EIF3C: variants seen among roughly 807,000 people sequenced by gnomAD.
EIF3C encodes cell migration-inducing protein 17.
EIF3C carries 2 observed loss-of-function variants against 11.1 expected under a neutral mutation model. The ratio of observed to expected loss-of-function variants is 0.18; its 90% CI spans 0.07 to 0.57. The LOEUF is 0.57. EIF3C is among the 20% of genes least tolerant of loss of function. EIF3C has a pLI of 0.92. For synonymous variants in EIF3C, 2 were observed against 41.5 expected, an observed-to-expected ratio of 0.05 and a Z score of 3.66; for missense variants, 16 against 114.6, an observed-to-expected ratio of 0.14 and a Z score of 3.93.
At position 28,700,884 on chromosome 16, in the gene EIF3C, G is replaced by C. The variant is rs1228120133; in HGVS notation, c.-30-10773G>C. On this transcript the variant is annotated intron_variant, in intron 1 of 20. Coordinates refer to the EIF3C transcript ENST00000566501. The stretch of plus-strand genomic sequence containing the variant: ...TCTCATCAGGCTTGGTGTTCACCAT[G>C]CTCCTGCTAAAGCCGTCTTTTCTTT... The C allele has an allele frequency of 3.6e-5, 8 of 219,918 alleles. 2 individuals carry two copies. The highest frequency in any genetic ancestry group is 6.2e-5 in the Non-Finnish European group (8 of 128,078). 13.6% of individuals were successfully genotyped at this position (219,918 alleles called of 1,614,324 possible).
rs555744746 is a variant in EIF3C at position 28,733,881 on chromosome 16, G to GGTTTT, written c.2183-618_2183-614dup. On this transcript the variant is annotated intron_variant, in intron 16 of 20. Transcript: ENST00000331666. ...CCATTCCAGTTGAGCTGGAAGAGGTGGTTTTGTTTTGTTTTGTTTTGTTTT... is the reference window on the plus strand; with the variant it reads ...CCATTCCAGTTGAGCTGGAAGAGGTGGTTTTGTTTTGTTTTGTTTTGTTTTGTTTT... Among the ~76,000 whole-genome samples the GGTTTT allele has an allele frequency of 8.8e-3, 1,032 of 116,914 alleles. 246 individuals carry two copies. Among genetic ancestry groups the GGTTTT allele is most frequent in the Non-Finnish European group, 0.013 (619 of 47,834 alleles). The allele number at this position is 116,914 out of a possible 152,430, so 76.7% of individuals were successfully genotyped here. A position where few individuals can be genotyped will look rare whatever the true frequency, so the allele number is the denominator to read the frequency against.
chr16:28,698,682 A>G (rs76518997), intron 1 of EIF3C, among the ~76,000 whole-genome samples: 6 of 46,392 alleles, frequency 1.3e-4, no homozygotes, highest in East Asian at 8.5e-4. Flanking sequence ...CAGACGGGGC[A>G]GCTGCCGGGC....
intron 2 of EIF3C, among the ~76,000 whole-genome samples, chr16:28,713,013 A>G (rs2048317409): frequency 6.8e-6 from 1 of 146,924 alleles, no homozygotes; most frequent in Non-Finnish European, 1.5e-5. Flanking sequence ...AACACCGCTA[A>G]AATAATCCAA....
At chr16:28,730,234 T>G in intron 15 of EIF3C, among the ~76,000 whole-genome samples, 1 of 135,260 alleles carries the variant, frequency 7.4e-6, no homozygotes, top group Non-Finnish European at 1.6e-5. Context: ...TTCACCATAT[T>G]GGGCAGGCTG....
intron 16 of EIF3C, among the ~76,000 whole-genome samples, chr16:28,733,082 TCTTTC>T (rs1356176352): frequency 2.0e-5 from 1 of 49,778 alleles, no homozygotes; most frequent in Non-Finnish European, 3.8e-5. Flanking sequence ...TTTCTTTCTT[TCTTTC>T]TTTTTTTTTT....
At position 28,698,576 on chromosome 16, in the gene EIF3C, G is replaced by C. The variant is rs2048260097; in HGVS notation, c.-31+9748G>C. 2.1e-5 allele frequency among the ~76,000 whole-genome samples: 2 copies of C among 96,602 alleles called. 1 individual carries two copies. Among genetic ancestry groups the C allele is most frequent in the African/African-American group, 1.7e-4 (2 of 12,114 alleles). The allele number at this position is 96,602 out of a possible 152,430, so 63.4% of individuals were successfully genotyped here. On this transcript the variant is annotated intron_variant, in intron 1 of 20. Transcript: ENST00000566501. ...CCGGACGGGGTGGCTGCCGGGCGGA[G>C]ACGCTCCTCACTTCCCAGATGGGGT...
chr16:28,689,287 C>G lies in EIF3C; in HGVS notation c.-31+459C>G, dbSNP rs2048210783. ...TAAATAGTTCATTTTTCTGTTAAAA[C>G]TTCCCTGTTTAAATGACTCTGTGGT... On this transcript the variant is annotated intron_variant, in intron 1 of 20. Coordinates refer to the EIF3C transcript ENST00000566501. 4.0e-5 allele frequency among the ~76,000 whole-genome samples: 2 copies of G among 49,918 alleles called. 1 individual carries two copies. Among genetic ancestry groups the G allele is most frequent in the African/African-American group, 3.4e-4 (2 of 5,966 alleles). 32.7% of individuals were successfully genotyped at this position (49,918 alleles called of 152,430 possible).
At chr16:28,698,609 G>A (rs577527647) in intron 1 of EIF3C, among the ~76,000 whole-genome samples, 7 of 93,714 alleles carry the variant, frequency 7.5e-5, no homozygotes, top group South Asian at 6.1e-4. Flanking sequence ...GGTGGCTGCC[G>A]GGCGGAGACA....
intron 1 of EIF3C, among the ~76,000 whole-genome samples, chr16:28,697,860 G>A (rs1420734174): frequency 5.5e-5 from 5 of 90,854 alleles, no homozygotes; most frequent in African/African-American, 2.4e-4. Flanking sequence ...GCGGCTGGCC[G>A]GGCGGGGGGC....
upstream of EIF3C, among the ~76,000 whole-genome samples, chr16:28,707,078 CTT>C (rs1165801182): frequency 0.39 from 8,289 of 21,196 alleles, 1,979 homozygotes; most frequent in Admixed American, 0.46. Flanking sequence ...TTTTCTTTCC[CTT>C]TTTTTTTTTT....
chr16:28,697,948 GC>G (rs1176197409), intron 1 of EIF3C, among the ~76,000 whole-genome samples: 3 of 97,048 alleles, frequency 3.1e-5, no homozygotes, highest in Admixed American at 2.7e-4. Context: ...GGGCGGCCGG[GC>G]AGAGGCGCCC....
chr16:28,696,808 T>C (rs2048240885), intron 1 of EIF3C, among the ~76,000 whole-genome samples: 1 of 71,482 alleles, frequency 1.4e-5, no homozygotes, highest in Non-Finnish European at 2.5e-5. Flanking sequence ...ATCATGCCAC[T>C]GCCCTCCAGC....
rs2048267687 is a variant in EIF3C at position 28,699,453 on chromosome 16, G to A, written c.-31+10625G>A. Among the ~76,000 whole-genome samples, 2 of 97,724 alleles carry A rather than the reference G, an allele frequency of 2.0e-5. 1 individual carries two copies. Among genetic ancestry groups the A allele is most frequent in the Non-Finnish European group, 4.0e-5 (2 of 50,190 alleles). 64.1% of individuals were successfully genotyped at this position (97,724 alleles called of 152,430 possible). On this transcript the variant is annotated intron_variant, in intron 1 of 20. Coordinates refer to the EIF3C transcript ENST00000566501. ...GCTCCGCATGAGAGGGAGACCGTGG[G>A]GAGAGGGAGACGGAGACGGAGACGG...
intron 1 of EIF3C, chr16:28,700,408 G>T: frequency 2.6e-6 from 1 of 385,996 alleles, no homozygotes; most frequent in Non-Finnish European, 4.8e-6. Flanking sequence ...CCGGAGGCCG[G>T]CGTCGATACA....
chr16:28,732,789 TG>T (rs2048458064), intron 16 of EIF3C, among the ~76,000 whole-genome samples: 1 of 145,880 alleles, frequency 6.9e-6, no homozygotes, highest in African/African-American at 2.6e-5. Flanking sequence ...AGGCACATTT[TG>T]TTTGGCTTAT....
At chr16:28,699,967 C>A (rs1221180568) in intron 1 of EIF3C, among the ~76,000 whole-genome samples, 1 of 48,652 alleles carries the variant, frequency 2.1e-5, no homozygotes, top group East Asian at 7.2e-4. Flanking sequence ...CACCTAGTGG[C>A]TGGGGACCCT....
chr16:28,722,423 AC>A (rs1348797650), intron 8 of EIF3C: 1 of 83,556 alleles, frequency 1.2e-5, no homozygotes, highest in Non-Finnish European at 2.7e-5. Flanking sequence ...TTTTGTGGGG[AC>A]CTTTTTTGTA....
intron 1 of EIF3C, among the ~76,000 whole-genome samples, chr16:28,689,119 G>C (rs112324020): frequency 0.32 from 9,652 of 29,702 alleles, 4,055 homozygotes; most frequent in East Asian, 0.98. Context: ...CTATGTTGGC[G>C]AGGCTGGTCT....
At chr16:28,712,982 A>C (rs2048316995) in intron 2 of EIF3C, among the ~76,000 whole-genome samples, 1 of 148,906 alleles carries the variant, frequency 6.7e-6, no homozygotes, top group Non-Finnish European at 1.5e-5. Context: ...TGGGCGATAA[A>C]AGCAAAACTC....
Sources: allele counts gnomAD v4.1 joint callset (sites outside exome capture counted in the v4.1 genomes callset), GRCh38; gene constraint gnomAD v4.1.1; transcripts MANE v1.5; gene names NCBI Gene and HGNC (gene_info 2026-07-23, HGNC 2026-07-21).